Variants in MAGED1 observed in about 807,000 individuals in gnomAD.
MAGED1 encodes melanoma-associated antigen D1.
MAGED1 carries 3 observed loss-of-function variants against 54.1 expected under a neutral mutation model. The observed-to-expected ratio is 0.06, with a 90% CI of 0.03 to 0.14. The LOEUF (loss-of-function observed/expected upper bound fraction) is 0.14. Ranked by LOEUF, MAGED1 falls within the 10% of genes least tolerant of loss-of-function variation. MAGED1 has a pLI of 1.00. For missense variants in MAGED1, 485 were observed against 623.4 expected (o/e 0.78, Z 2.36); for synonymous variants, 217 against 227.3 (o/e 0.95, Z 0.41).
At chrX:51,813,385 G>A (rs1238619093) in intron 1 of MAGED1, among the ~76,000 whole-genome samples, 9 of 111,475 alleles carry the variant, frequency 8.1e-5, no homozygotes, top group Non-Finnish European at 1.5e-4. Context: ...AACTGGGCAA[G>A]TTAATTAGAA....
chrX:51,803,233 T>A (rs1241978122), intron 1 of MAGED1: 2 of 111,151 alleles, frequency 1.8e-5, no homozygotes, highest in Non-Finnish European at 3.8e-5. Context: ...CCCGCGTGCG[T>A]TGTATGAAGG....
At chrX:51,823,764 CTTG>C (rs1247156788) in intron 1 of MAGED1, among the ~76,000 whole-genome samples, 1 of 111,260 alleles carries the variant, frequency 9.0e-6, no homozygotes, top group African/African-American at 3.3e-5. Flanking sequence ...TTTCAATTCC[CTTG>C]TTGTTTCTTT....
intron 1 of MAGED1, among the ~76,000 whole-genome samples, chrX:51,812,592 A>G (rs1925261622): frequency 1.8e-5 from 2 of 111,915 alleles, no homozygotes; most frequent in Non-Finnish European, 3.8e-5. Context: ...TAGTATTTCC[A>G]TTCCTTTTCA....
intron 1 of MAGED1, among the ~76,000 whole-genome samples, chrX:51,866,931 A>G (rs1927477359): frequency 8.9e-6 from 1 of 112,176 alleles, no homozygotes; most frequent in African/African-American, 3.2e-5. Context: ...GGATAACACC[A>G]GTAAAGAGAA....
chrX:51,818,688 A>G (rs1320544844), intron 1 of MAGED1, among the ~76,000 whole-genome samples: 1 of 111,985 alleles, frequency 8.9e-6, no homozygotes, highest in Non-Finnish European at 1.9e-5. Flanking sequence ...TCAGGCATTC[A>G]CCTTAGCACT....
chrX:51,815,754 C>T (rs1448974359), intron 1 of MAGED1, among the ~76,000 whole-genome samples: 1 of 110,560 alleles, frequency 9.0e-6, no homozygotes, highest in East Asian at 2.8e-4. Flanking sequence ...TTCCTGACCT[C>T]AGGTGATCCG....
At chrX:51,841,366 T>C (rs1484803982) in intron 1 of MAGED1, among the ~76,000 whole-genome samples, 3 of 110,747 alleles carry the variant, frequency 2.7e-5, no homozygotes, top group African/African-American at 3.3e-5. Context: ...TTGCAAAAAT[T>C]TTCTCCCATT....
At chrX:51,822,620 A>G (rs1557356630) in intron 1 of MAGED1, among the ~76,000 whole-genome samples, 1 of 110,262 alleles carries the variant, frequency 9.1e-6, no homozygotes, top group African/African-American at 3.3e-5. Context: ...AGCTAGGGTC[A>G]TTGTTTTAGA....
intron 5 of MAGED1, 118 bp downstream of exon 5, chrX:51,897,389 C>G: frequency 1.2e-6 from 1 of 803,930 alleles, no homozygotes; most frequent in East Asian, 3.2e-5. Flanking sequence ...CGGCATTCTT[C>G]TGCTTGTATG....
At chrX:51,892,708 T>A, upstream of MAGED1, among the ~76,000 whole-genome samples, 1 of 111,284 alleles carries the variant, frequency 9.0e-6, no homozygotes, top group East Asian at 2.8e-4. Flanking sequence ...GGTGCCGTGG[T>A]CTGTTGCTCA....
chrX:51,808,927 A>C (rs2146947482), intron 1 of MAGED1, among the ~76,000 whole-genome samples: 1 of 111,631 alleles, frequency 9.0e-6, no homozygotes, highest in South Asian at 3.8e-4. Context: ...AGTAAGATAA[A>C]TAATAATTTC....
upstream of MAGED1, among the ~76,000 whole-genome samples, chrX:51,890,584 C>A (rs928145708): frequency 3.6e-5 from 4 of 110,991 alleles, no homozygotes; most frequent in African/African-American, 9.8e-5. Flanking sequence ...TATGACCTTA[C>A]TAAAATGTTA....
Position 51,896,395 on chromosome X carries a change from C to T in MAGED1, c.754-14C>T, listed in dbSNP as rs1423482051. ...AACCCACTGGTGATTCTGAACTTCTCTCTGATGATGCAGATTAATAACTTG... is the reference window on the plus strand; with the variant it reads ...AACCCACTGGTGATTCTGAACTTCTTTCTGATGATGCAGATTAATAACTTG... On this transcript the variant is annotated splice_polypyrimidine_tract_variant and intron_variant, in intron 3 of 12. Coordinates refer to ENST00000326587, the MANE Select transcript of MAGED1 (RefSeq NM_006986.4). 2 of 1,189,828 alleles carry T rather than the reference C, an allele frequency of 1.7e-6. No homozygotes were observed. The highest frequency in any genetic ancestry group is 1.8e-5 in the African/African-American group (1 of 56,851).
At chrX:51,849,976 A>C (rs1926826618) in intron 1 of MAGED1, among the ~76,000 whole-genome samples, 1 of 110,926 alleles carries the variant, frequency 9.0e-6, no homozygotes, top group African/African-American at 3.3e-5. Context: ...TCTGTCGCCC[A>C]GGCTGGAGTG....
intron 1 of MAGED1, among the ~76,000 whole-genome samples, chrX:51,880,887 A>G (rs1928028134): frequency 9.4e-6 from 1 of 106,806 alleles, no homozygotes; most frequent in Admixed American, 1.0e-4. Flanking sequence ...TATTTCCTCT[A>G]CTCCCTCCTT....
At chrX:51,806,098 C>G (rs1025029925) in intron 1 of MAGED1, among the ~76,000 whole-genome samples, 3 of 105,425 alleles carry the variant, frequency 2.8e-5, no homozygotes, top group African/African-American at 6.9e-5. Context: ...CTCAGGCTCC[C>G]GAGTAGCTGG....
intron 1 of MAGED1, among the ~76,000 whole-genome samples, chrX:51,839,003 A>G (rs1375577682): frequency 2.7e-5 from 3 of 111,678 alleles, no homozygotes; most frequent in Non-Finnish European, 5.6e-5. Flanking sequence ...ACACTCAGGG[A>G]GAGATCTATT....
chrX:51,879,416 CT>C (rs1471685971), intron 1 of MAGED1, among the ~76,000 whole-genome samples: 1 of 110,691 alleles, frequency 9.0e-6, no homozygotes, highest in Non-Finnish European at 1.9e-5. Flanking sequence ...TTCTCCTTTA[CT>C]TTTGAAAGAT....
At chrX:51,900,868 A>G (rs1363787696) in intron 11 of MAGED1, among the ~76,000 whole-genome samples, 1 of 112,472 alleles carries the variant, frequency 8.9e-6, no homozygotes, top group Non-Finnish European at 1.9e-5. Flanking sequence ...TCCTGACCTC[A>G]AGTGATCTGC....
Sources: allele counts gnomAD v4.1 joint callset (sites outside exome capture counted in the v4.1 genomes callset), GRCh38; gene constraint gnomAD v4.1.1; transcripts MANE v1.5; gene names NCBI Gene and HGNC (gene_info 2026-07-23, HGNC 2026-07-21).